STAT2: variants seen among roughly 807,000 people sequenced by gnomAD.
STAT2 encodes interferon alpha induced transcriptional activator.
STAT2 carries 51 observed loss-of-function variants against 122.3 expected under a neutral mutation model. The ratio of observed to expected loss-of-function variants is 0.42; its 90% CI spans 0.33 to 0.53. The LOEUF (loss-of-function observed/expected upper bound fraction) is 0.53. Ranked by LOEUF, STAT2 falls within the 20% of genes least tolerant of loss-of-function variation. STAT2 has a pLI of 0.10. For missense variants in STAT2, 736 were observed against 1,010.3 expected (o/e 0.73, Z 3.68); for synonymous variants, 351 against 394.9 (o/e 0.89, Z 1.32).
intron 22 of STAT2, among the ~76,000 whole-genome samples, chr12:56,345,495 C>CAAAAAAAAAA: frequency 2.2e-4 from 1 of 4,584 alleles, no homozygotes; most frequent in Non-Finnish European, 3.3e-4. Context: ...GACCCTGTCT[C>CAAAAAAAAAA]AAAAAAAAAA....
intron 21 of STAT2, 77 bp downstream of exon 21, chr12:56,346,365 T>A (rs978950844): frequency 1.3e-6 from 2 of 1,585,534 alleles, no homozygotes; most frequent in Non-Finnish European, 1.7e-6. Context: ...TTCCCATGCT[T>A]TAAAGGAAGG....
rs1876762278 is a variant in STAT2 at position 56,342,706 on chromosome 12, CACATT to C, written c.*678_*682del. 1.3e-5 allele frequency: 2 copies of C among 152,148 alleles called. No individual in the cohort carries two copies. Among genetic ancestry groups the C allele is most frequent in the Non-Finnish European group, 2.9e-5 (2 of 68,060 alleles). The allele number at this position is 152,148 out of a possible 1,614,324, so 9.4% of individuals were successfully genotyped here. ...AAACTAGTGTGCAAAGCTTCACACT[CACATT>C]AGATTGGCAGGATCATTTTATGGGG... is the stretch of plus-strand genomic sequence containing the variant. On this transcript the variant is annotated 3_prime_UTR_variant, in exon 24 of 24. Coordinates refer to ENST00000314128, the MANE Select transcript of STAT2 (RefSeq NM_005419.4).
At chr12:56,345,064 C>T (rs1877160337) in intron 22 of STAT2, among the ~76,000 whole-genome samples, 1 of 149,474 alleles carries the variant, frequency 6.7e-6, no homozygotes, top group Admixed American at 6.7e-5. Flanking sequence ...ATCCCAGCTA[C>T]TCAGTAGGCT....
chr12:56,355,600 A>T, intron 4 of STAT2, 68 bp from the exon 5 acceptor site: 1 of 1,599,876 alleles, frequency 6.3e-7, no homozygotes, highest in Non-Finnish European at 8.6e-7. Context: ...GCCTGAAATT[A>T]TACCACAGGA....
At chr12:56,355,654 C>A (rs1243386745) in intron 4 of STAT2, 54 bp downstream of exon 4, 1 of 1,599,656 alleles carries the variant, frequency 6.3e-7, no homozygotes, top group East Asian at 2.2e-5. Flanking sequence ...GAGTCCTTTC[C>A]ATGGTTCCTC....
At chr12:56,352,616 ATG>A (rs1878715117) in intron 8 of STAT2, among the ~76,000 whole-genome samples, 1 of 104,932 alleles carries the variant, frequency 9.5e-6, no homozygotes, top group Non-Finnish European at 1.7e-5. Flanking sequence ...CAATCAATGC[ATG>A]CATGCATGCA....
intron 13 of STAT2, 117 bp downstream of exon 13, chr12:56,349,980 C>T (rs1878191297): frequency 5.6e-6 from 5 of 887,344 alleles, no homozygotes; most frequent in Admixed American, 2.2e-5. Context: ...ACCCGGGAGG[C>T]GGAGGTTGCT....
At chr12:56,355,135 G>T in intron 6 of STAT2, 141 bp downstream of exon 6, 1 of 1,010,780 alleles carries the variant, frequency 9.9e-7, no homozygotes, top group Non-Finnish European at 1.5e-6. Context: ...AGCACTTCCA[G>T]CTTTGCACGG....
chr12:56,360,022 C>CACCCCT, intron 1 of STAT2, 36 bp downstream of exon 1: 1 of 984,002 alleles, frequency 1.0e-6, no homozygotes, highest in African/African-American at 1.7e-5. Flanking sequence ...CTCTCACCCC[C>CACCCCT]ACCCCTACCC....
chr12:56,355,391 G>A (rs1879349013), intron 5 of STAT2, 40 bp from the exon 6 acceptor site: 4 of 1,613,972 alleles, frequency 2.5e-6, no homozygotes, highest in Admixed American at 3.3e-5. Flanking sequence ...TGCTTCTCAG[G>A]GAGGTGTTAG....
chr12:56,354,945 G>C (rs965626962), intron 6 of STAT2, 82 bp from the exon 7 acceptor site: 16 of 1,398,066 alleles, frequency 1.1e-5, no homozygotes, highest in Non-Finnish European at 1.5e-5. Flanking sequence ...CAGGAAGGAG[G>C]AATTTTGTGG....
chr12:56,344,528 A>G (rs1877059777), intron 22 of STAT2, among the ~76,000 whole-genome samples: 1 of 152,228 alleles, frequency 6.6e-6, no homozygotes. Flanking sequence ...TGTAGATTCA[A>G]TAAAATGAGA....
chr12:56,346,281 T>A (rs1397925865), intron 21 of STAT2, 78 bp from the exon 22 acceptor site: 3 of 1,581,248 alleles, frequency 1.9e-6, no homozygotes, highest in African/African-American at 2.7e-5. Flanking sequence ...GTGCAGATGG[T>A]CCTGGCAGTC....
chr12:56,357,292 G>A (rs1879661805), intron 1 of STAT2, among the ~76,000 whole-genome samples: 2 of 151,450 alleles, frequency 1.3e-5, no homozygotes, highest in African/African-American at 4.9e-5. Context: ...CACCTACTTC[G>A]GACTCCCAAA....
chr12:56,343,937 T>C lies in STAT2; in HGVS notation c.2301A>G (p.Leu767=). The part of the protein sequence containing the change: ...STLEPVIEPT[L]CMVSQTVPEP... ...CTGGCACTGTTTGTGATACCATGCA[T>C]AGTGTGGGCTCTATCACAGGCTCCA... The change falls in exon 23 of 24, where the codon CTA becomes CTG. Residue 767 remains leucine (L), a synonymous_variant. Transcript: ENST00000314128. 1 of 1,614,138 alleles carries C rather than the reference T, an allele frequency of 6.2e-7. No homozygotes were observed. The highest frequency in any genetic ancestry group is 1.1e-5 in the South Asian group (1 of 91,072).
rs776389808 is a variant in STAT2 at position 56,349,259 on chromosome 12, C to T, written c.1344G>A (p.Thr448=). 5.9e-5 allele frequency: 95 copies of T among 1,614,010 alleles called. No homozygotes were observed. Among genetic ancestry groups the T allele is most frequent in the Non-Finnish European group, 7.5e-5 (89 of 1,180,036 alleles). ...AAATAATCACCACAGGGAGGGTGTC[C>T]GTCTGGGGAGAAGACAGGAGTCACA... ...TYQGLKQELK[T]DTLPVVIISN... Residue 448 remains threonine, a splice_region_variant and synonymous_variant, in exon 16 of 24, where the codon ACG becomes ACA. Transcript: ENST00000314128.
intron 1 of STAT2, among the ~76,000 whole-genome samples, chr12:56,358,949 CT>C (rs1406015331): frequency 6.6e-6 from 1 of 152,198 alleles, no homozygotes; most frequent in African/African-American, 2.4e-5. Flanking sequence ...TCCCATGCAT[CT>C]TTCTCCCCAC....
Position 56,349,499 on chromosome 12 carries a change from C to T in STAT2, c.1268G>A (p.Gly423Asp). The T allele has an allele frequency of 1.2e-6, 2 of 1,614,200 alleles. No individual in the cohort carries two copies. The highest frequency in any genetic ancestry group is 1.7e-6 in the Non-Finnish European group (2 of 1,180,044). ...GATGATGTGCAGTTCCTCTGTCACA[C>T]CTAGTGGCCCCTGGGACAGCCAAAG... Reference protein sequence around the residue: ...SGKGSNKGPLGVTEELHIISF... With the variant: ...SGKGSNKGPLDVTEELHIISF... The change falls in exon 15 of 24, where the codon GGT (glycine) becomes GAT (aspartate). Residue 423 changes from glycine to aspartate, a missense_variant. Coordinates refer to ENST00000314128, the MANE Select transcript of STAT2 (RefSeq NM_005419.4).
intron 11 of STAT2, 112 bp from the exon 12 acceptor site, chr12:56,350,544 T>G (rs1878302727): frequency 1.0e-6 from 1 of 977,422 alleles, no homozygotes; most frequent in South Asian, 1.7e-5. Context: ...GCTCACTAGC[T>G]ATGTGGCCTT....
Sources: allele counts gnomAD v4.1 joint callset (sites outside exome capture counted in the v4.1 genomes callset), GRCh38; gene constraint gnomAD v4.1.1; transcripts MANE v1.5; gene names NCBI Gene and HGNC (gene_info 2026-07-23, HGNC 2026-07-21).